The following SVIL variants were observed in gnomAD, a reference collection of about 807,000 sequenced individuals.
The protein encoded by SVIL is archvillin.
Under a neutral mutation model 240.4 loss-of-function variants are expected in SVIL, and 101 were observed. The ratio of observed to expected loss-of-function variants is 0.42; its 90% CI spans 0.36 to 0.50. The LOEUF (loss-of-function observed/expected upper bound fraction) is 0.50. Ranked by LOEUF, SVIL falls within the 20% of genes least tolerant of loss-of-function variation. SVIL has a pLI of 0.01. For missense variants in SVIL, 2,512 were observed against 2,818.7 expected, an observed-to-expected ratio of 0.89 and a Z score of 2.46; for synonymous variants, 999 against 1,100.0, an observed-to-expected ratio of 0.91 and a Z score of 1.82.
intron 2 of SVIL, among the ~76,000 whole-genome samples, chr10:29,679,173 C>T (rs568526575): frequency 1.3e-5 from 2 of 152,278 alleles, no homozygotes; most frequent in South Asian, 4.1e-4. Context: ...CCACTGCAAT[C>T]CAGCCTGGGC....
At chr10:29,480,458 GT>G in intron 29 of SVIL, 78 bp downstream of exon 29, 1 of 1,558,512 alleles carries the variant, frequency 6.4e-7, no homozygotes, top group East Asian at 2.2e-5. Context: ...GCATGACAGG[GT>G]TCATTGGAGA....
intron 4 of SVIL, 30 bp from the exon 5 acceptor site, chr10:29,554,964 A>G: frequency 6.2e-7 from 1 of 1,609,840 alleles, no homozygotes. Flanking sequence ...AGGCAGAGTG[A>G]GCAACAGCGA....
intron 1 of SVIL, among the ~76,000 whole-genome samples, chr10:29,579,772 A>AT (rs560360332): frequency 4.5e-4 from 68 of 152,148 alleles, no homozygotes; most frequent in African/African-American, 1.5e-3. Context: ...CCTGGGGGAG[A>AT]AAACGAGGGC....
At chr10:29,462,254 A>C (rs1317733555) in intron 36 of SVIL, 23 bp downstream of exon 36, 2 of 1,611,468 alleles carry the variant, frequency 1.2e-6, no homozygotes, top group East Asian at 4.5e-5. Flanking sequence ...AGCCACCTTC[A>C]TAGGGCAGGA....
intron 1 of SVIL, among the ~76,000 whole-genome samples, chr10:29,698,706 C>A (rs1962272908): frequency 2.8e-5 from 2 of 71,908 alleles, no homozygotes; most frequent in Admixed American, 1.7e-4. Flanking sequence ...CATATTACTC[C>A]AGGAAAAAAA....
In SVIL at chr10:29,463,500, T is replaced by C. The variant is rs776210278; in HGVS notation, c.6269A>G (p.Tyr2090Cys). The C allele has an allele frequency of 1.9e-6, 3 of 1,614,016 alleles. No individual in the cohort carries two copies. The highest frequency in any genetic ancestry group is 2.2e-5 in the East Asian group (1 of 44,872). The change falls in exon 35 of 38, where the codon TAC becomes TGC. Residue 2090 changes from tyrosine to cysteine, a missense_variant. Physicochemically the swap from Tyr to Cys is radical, Grantham distance 194 (BLOSUM62 -2). This residue lies in a region of SVIL where 797 missense variants were observed against 925.3 expected (regional missense o/e 0.86). Coordinates refer to ENST00000355867, the MANE Select transcript of SVIL (RefSeq NM_021738.3). ...GTTAGAGGGAGCCTCACCTTTGCAG[T>C]ACTGGAGCACAGTCTCCATCGCACT... Reference protein sequence around the residue: ...RKSAMETVLQYCKGKNLKKPA... With the variant: ...RKSAMETVLQCCKGKNLKKPA...
At chr10:29,616,274 C>T (rs1248879490) in intron 1 of SVIL, among the ~76,000 whole-genome samples, 1 of 152,108 alleles carries the variant, frequency 6.6e-6, no homozygotes, top group Non-Finnish European at 1.5e-5. Flanking sequence ...TGAACTCAGG[C>T]AATCCACCCA....
intron 1 of SVIL, among the ~76,000 whole-genome samples, chr10:29,615,218 G>A (rs1056983031): frequency 3.3e-5 from 5 of 152,124 alleles, no homozygotes; most frequent in South Asian, 2.1e-4. Context: ...TATCACAATC[G>A]AAGGATTGAT....
At chr10:29,535,931 C>CA in intron 7 of SVIL, 58 bp downstream of exon 7, 1 of 1,563,554 alleles carries the variant, frequency 6.4e-7, no homozygotes. Context: ...GATGTGTGGT[C>CA]AGGCAGGAGG....
intron 6 of SVIL, among the ~76,000 whole-genome samples, chr10:29,548,834 G>T (rs528683922): frequency 6.6e-6 from 1 of 152,314 alleles, no homozygotes; most frequent in East Asian, 1.9e-4. Context: ...GCGGCGAAAA[G>T]ATAAACTATG....
chr10:29,659,736 G>A (rs933100372), intron 2 of SVIL, among the ~76,000 whole-genome samples: 10 of 152,174 alleles, frequency 6.6e-5, no homozygotes, highest in Non-Finnish European at 2.9e-5. Flanking sequence ...ACTCATTCTT[G>A]TAAGCCACAG....
chr10:29,511,845 A>C (rs907831409), intron 17 of SVIL, among the ~76,000 whole-genome samples: 1 of 152,142 alleles, frequency 6.6e-6, no homozygotes, highest in Admixed American at 6.5e-5. Flanking sequence ...TCTCATTTTT[A>C]TGTACGTTTC....
chr10:29,525,568 G>C (rs113114025), intron 13 of SVIL, among the ~76,000 whole-genome samples: 507 of 152,250 alleles, frequency 3.3e-3, no homozygotes, highest in African/African-American at 0.011. Flanking sequence ...GTGCAGTGAT[G>C]AAGCCTGGGC....
intron 6 of SVIL, among the ~76,000 whole-genome samples, chr10:29,539,576 T>C (rs1423997241): frequency 6.6e-6 from 1 of 152,172 alleles, no homozygotes; most frequent in African/African-American, 2.4e-5. Flanking sequence ...ACACCAACAG[T>C]GAACACGCTG....
At chr10:29,512,943 C>T (rs898600022) in intron 16 of SVIL, 82 bp from the exon 17 acceptor site, 94 of 1,533,792 alleles carry the variant, frequency 6.1e-5, no homozygotes, top group Admixed American at 3.3e-4. Flanking sequence ...GTAAGAGAGG[C>T]GGCTTGGGCC....
rs1222367608 is a variant in SVIL, at chr10:29,683,655, G to A, written c.-301+2898C>T. Among the ~76,000 whole-genome samples, 6 of 152,160 alleles carry A rather than the reference G, an allele frequency of 3.9e-5. No homozygotes were observed. The Middle Eastern group carries it at 9.5e-3, about 241-fold the overall frequency. ...CAGCAATCTTCTCCCTCCCAACCTA[G>A]CAAAACACACACACTTGCTTTGCAC... On this transcript the variant is annotated intron_variant, in intron 2 of 35. Transcript: ENST00000375400.
intron 1 of SVIL, among the ~76,000 whole-genome samples, chr10:29,589,640 C>G (rs924120587): frequency 6.6e-6 from 1 of 152,026 alleles, no homozygotes; most frequent in Non-Finnish European, 1.5e-5. Context: ...GAAAAGAAAA[C>G]GAGGTGAGAC....
chr10:29,572,125 C>A, intron 1 of SVIL, among the ~76,000 whole-genome samples: 1 of 152,120 alleles, frequency 6.6e-6, no homozygotes, highest in East Asian at 1.9e-4. Flanking sequence ...TGGACTTAGA[C>A]TAATTTGTAA....
intron 16 of SVIL, among the ~76,000 whole-genome samples, chr10:29,518,140 C>A (rs1215548046): frequency 6.6e-6 from 1 of 152,196 alleles, no homozygotes. Context: ...GCAATCCCAG[C>A]ACGTTGGGAG....
Sources: gnomAD v4.1 joint callset for allele counts (sites outside exome capture counted in the v4.1 genomes callset) on GRCh38, gnomAD v4.1.1 for gene constraint, gnomAD v4.1.1 regional missense constraint, MANE v1.5 for transcripts, NCBI Gene and HGNC (gene_info 2026-07-23, HGNC 2026-07-21) for gene names.